TAB2: variants seen among roughly 807,000 people sequenced by gnomAD.
TAB2 encodes TGF-beta activated kinase 1 (MAP3K7) binding protein 2, also known as TGF-beta-activated kinase 1 and MAP3K7-binding protein 2.
In TAB2, 3 loss-of-function variants were observed where a neutral mutation model predicts 65.0. The ratio of observed to expected loss-of-function variants is 0.05; its 90% CI spans 0.02 to 0.12. The LOEUF (loss-of-function observed/expected upper bound fraction) is 0.12, where lower values mean the gene tolerates loss of function less well. Ranked by LOEUF, TAB2 falls within the 10% of genes least tolerant of loss-of-function variation. TAB2 has a pLI of 1.00. For missense variants in TAB2, 623 were observed against 840.3 expected (o/e 0.74, Z 3.20); for synonymous variants, 298 against 285.1 (o/e 1.05, Z -0.46).
At chr6:149,390,518 AAACT>A (rs1781949118) in intron 3 of TAB2, among the ~76,000 whole-genome samples, 1 of 152,200 alleles carries the variant, frequency 6.6e-6, no homozygotes, top group African/African-American at 2.4e-5. Flanking sequence ...AAAATTAATA[AAACT>A]AACACCATCT....
At chr6:149,405,076 C>G (rs538595380) in intron 6 of TAB2, among the ~76,000 whole-genome samples, 191 of 152,070 alleles carry the variant, frequency 1.3e-3, no homozygotes, top group South Asian at 3.5e-3. Flanking sequence ...TAATAGAAAC[C>G]AATAACCAGA....
At chr6:149,363,165 A>G (rs1441642230) in intron 1 of TAB2, among the ~76,000 whole-genome samples, 1 of 152,192 alleles carries the variant, frequency 6.6e-6, no homozygotes. Context: ...TTACACAAAA[A>G]TTGTAAAGTA....
chr6:149,324,132 G>A (rs960737982), intron 1 of TAB2, among the ~76,000 whole-genome samples: 11 of 151,856 alleles, frequency 7.2e-5, no homozygotes, highest in Non-Finnish European at 1.2e-4. Context: ...AACAAAAACC[G>A]GCCTAGTACC....
chr6:149,315,135 T>A (rs1779228027), upstream of TAB2, among the ~76,000 whole-genome samples: 2 of 152,348 alleles, frequency 1.3e-5, no homozygotes, highest in Admixed American at 1.3e-4. Context: ...AAAGGATCTA[T>A]CATCTCTCTA....
intron 1 of TAB2, chr6:149,245,179 G>C (rs1353222642): frequency 6.6e-6 from 1 of 152,244 alleles, no homozygotes; most frequent in Non-Finnish European, 1.5e-5. Context: ...CATAGGTTTT[G>C]TGAAGTGACA....
At chr6:149,241,740 T>C (rs6923382) in intron 1 of TAB2, among the ~76,000 whole-genome samples, 81,763 of 152,142 alleles carry the variant, frequency 0.54, 22,206 homozygotes, top group Admixed American at 0.66. Flanking sequence ...ATTGTGATTT[T>C]TATTATAGCT....
intron 1 of TAB2, among the ~76,000 whole-genome samples, chr6:149,334,679 A>G (rs1779881708): frequency 6.6e-6 from 1 of 151,250 alleles, no homozygotes; most frequent in Non-Finnish European, 1.5e-5. Flanking sequence ...TGTCTCTTAA[A>G]AAAAAAAAAA....
At chr6:149,371,374 A>G (rs1366610324) in intron 2 of TAB2, among the ~76,000 whole-genome samples, 1 of 152,168 alleles carries the variant, frequency 6.6e-6, no homozygotes, top group Non-Finnish European at 1.5e-5. Context: ...TGACTAGGGC[A>G]TACAAGGTCT....
At chr6:149,322,403 G>A (rs1779483670) in intron 1 of TAB2, among the ~76,000 whole-genome samples, 1 of 152,040 alleles carries the variant, frequency 6.6e-6, no homozygotes, top group African/African-American at 2.4e-5. Flanking sequence ...TTTCCTTTAA[G>A]AATACACTTC....
intron 1 of TAB2, chr6:149,247,924 CG>C (rs1160357339): frequency 1.3e-5 from 2 of 152,076 alleles, no homozygotes; most frequent in East Asian, 3.9e-4. Context: ...GTAGGGGCAG[CG>C]GGTGGGAGAA....
intron 1 of TAB2, among the ~76,000 whole-genome samples, chr6:149,292,364 G>T (rs1353676109): frequency 6.6e-6 from 1 of 152,152 alleles, no homozygotes; most frequent in Non-Finnish European, 1.5e-5. Flanking sequence ...AACAAGTCAA[G>T]ATAAAAAGCA....
intron 1 of TAB2, among the ~76,000 whole-genome samples, chr6:149,249,699 C>T (rs1179985438): frequency 2.6e-5 from 4 of 152,012 alleles, no homozygotes; most frequent in Non-Finnish European, 5.9e-5. Flanking sequence ...TCTTTCACGG[C>T]GCCCTCACTC....
chr6:149,218,372 A>G (rs1345374774), upstream of TAB2, among the ~76,000 whole-genome samples: 4 of 152,240 alleles, frequency 2.6e-5, no homozygotes. Context: ...TCAAGGAAAA[A>G]AAGATTTATT....
intron 6 of TAB2, among the ~76,000 whole-genome samples, chr6:149,403,174 C>T (rs915460888): frequency 2.7e-5 from 4 of 146,820 alleles, no homozygotes; most frequent in South Asian, 2.1e-4. Flanking sequence ...GCAGAGGTTG[C>T]GGTAAGCCAA....
intron 1 of TAB2, among the ~76,000 whole-genome samples, chr6:149,235,029 T>A (rs1244029612): frequency 6.6e-6 from 1 of 152,214 alleles, no homozygotes; most frequent in Non-Finnish European, 1.5e-5. Context: ...TTCAGCACTT[T>A]TTATTAGAAA....
At chr6:149,297,803 G>A (rs543746685) in intron 1 of TAB2, among the ~76,000 whole-genome samples, 4 of 152,252 alleles carry the variant, frequency 2.6e-5, no homozygotes, top group African/African-American at 9.6e-5. Flanking sequence ...AAAGCGCTGG[G>A]ATTACAAGTG....
At chr6:149,226,320 C>T (rs923526603) in intron 1 of TAB2, among the ~76,000 whole-genome samples, 8 of 152,080 alleles carry the variant, frequency 5.3e-5, no homozygotes, top group Admixed American at 1.3e-4. Context: ...TGCGAGGACC[C>T]GCGTGCTTCC....
At chr6:149,306,946 C>G (rs1779083865) in intron 1 of TAB2, among the ~76,000 whole-genome samples, 1 of 152,134 alleles carries the variant, frequency 6.6e-6, no homozygotes, top group African/African-American at 2.4e-5. Flanking sequence ...ACCTGTGTTT[C>G]AAAATGTTGG....
intron 3 of TAB2, among the ~76,000 whole-genome samples, chr6:149,382,906 C>T (rs1181997121): frequency 6.6e-6 from 1 of 152,168 alleles, no homozygotes; most frequent in Non-Finnish European, 1.5e-5. Flanking sequence ...GAAATCCCAG[C>T]ACTTTGGAAG....
Sources: gnomAD v4.1 joint callset for allele counts (sites outside exome capture counted in the v4.1 genomes callset) on GRCh38, gnomAD v4.1.1 for gene constraint, MANE v1.5 for transcripts, NCBI Gene and HGNC (gene_info 2026-07-23, HGNC 2026-07-21) for gene names.